Variants in PRDM16 observed in about 807,000 individuals in gnomAD.
PRDM16 encodes the protein histone-lysine N-methyltransferase PRDM16.
Under a neutral mutation model 110.6 loss-of-function variants are expected in PRDM16, and 23 were observed. The observed-to-expected ratio is 0.21, with a 90% CI of 0.15 to 0.29. The LOEUF (loss-of-function observed/expected upper bound fraction) is 0.29. Among genes scored for constraint, PRDM16 ranks in the 10% least tolerant of loss-of-function variants. PRDM16 has a pLI of 1.00. For missense variants in PRDM16, 1,615 were observed against 1,794.3 expected (o/e 0.90, Z 1.81); for synonymous variants, 799 against 781.8 (o/e 1.02, Z -0.37).
intron 3 of PRDM16, among the ~76,000 whole-genome samples, chr1:3,261,078 C>A (rs1640154565): frequency 6.9e-6 from 1 of 145,898 alleles, no homozygotes; most frequent in Non-Finnish European, 1.5e-5. Flanking sequence ...GGAGATAAGG[C>A]ATGGAACAGT....
intron 1 of PRDM16, among the ~76,000 whole-genome samples, chr1:3,182,883 C>T (rs1644227744): frequency 6.6e-6 from 1 of 152,158 alleles, no homozygotes; most frequent in Non-Finnish European, 1.5e-5. Flanking sequence ...CTCGGGGTCA[C>T]TCAGCTCCCT....
At chr1:3,391,738 A>G (rs1308340230) in intron 4 of PRDM16, among the ~76,000 whole-genome samples, 1 of 152,266 alleles carries the variant, frequency 6.6e-6, no homozygotes, top group Admixed American at 6.5e-5. Context: ...GCCAGAGGAT[A>G]GGACTGTCTA....
intron 3 of PRDM16, among the ~76,000 whole-genome samples, chr1:3,345,654 G>A (rs949299763): frequency 2.0e-5 from 3 of 152,206 alleles, no homozygotes; most frequent in Non-Finnish European, 2.9e-5. Flanking sequence ...ATGTGTCACC[G>A]GGATGCAGCA....
At chr1:3,173,422 A>C (rs1350343778) in intron 1 of PRDM16, among the ~76,000 whole-genome samples, 1 of 152,242 alleles carries the variant, frequency 6.6e-6, no homozygotes, top group Admixed American at 6.5e-5. Context: ...GGAGCATTGC[A>C]CGGATAAATA....
At chr1:3,267,785 T>C (rs986337540) in intron 3 of PRDM16, among the ~76,000 whole-genome samples, 17 of 152,182 alleles carry the variant, frequency 1.1e-4, no homozygotes, top group Admixed American at 7.8e-4. Context: ...CCCGCGCCGC[T>C]GCGGGTCCAC....
chr1:3,116,458 C>G (rs973411497), intron 1 of PRDM16, among the ~76,000 whole-genome samples: 2 of 152,138 alleles, frequency 1.3e-5, no homozygotes, highest in East Asian at 3.9e-4. Flanking sequence ...AAGATGGCAG[C>G]CCAGCCTGGA....
chr1:3,195,196 G>A (rs754031082), intron 2 of PRDM16, among the ~76,000 whole-genome samples: 50 of 152,318 alleles, frequency 3.3e-4, no homozygotes, highest in Non-Finnish European at 3.4e-4. Context: ...CATGGGCCTC[G>A]GCGTTGCTCC....
At chr1:3,426,012 A>G (rs762097110) in intron 13 of PRDM16, 39 bp from the exon 14 acceptor site, 68 of 1,588,142 alleles carry the variant, frequency 4.3e-5, no homozygotes, top group Non-Finnish European at 5.8e-5. Context: ...GGAGGGGTCC[A>G]GCGAGAGGCC....
chr1:3,411,438 G>A lies in PRDM16; in HGVS notation c.1241G>A (p.Arg414Gln). The A allele has an allele frequency of 6.2e-7, 1 of 1,614,160 alleles. No individual in the cohort carries two copies. The highest frequency in any genetic ancestry group is 8.5e-7 in the Non-Finnish European group (1 of 1,180,010). ...TQFSNLCRHK[R>Q]MHADCRTQIK... ...TTCTCCAACCTGTGCCGGCACAAGC[G>A]GATGCACGCCGACTGCCGCACGCAG... Residue 414 changes from arginine (R) to glutamine (Q), a missense_variant, in exon 9 of 17, where the codon CGG (arginine) becomes CAG (glutamine). Transcript: ENST00000270722.
intron 1 of PRDM16, among the ~76,000 whole-genome samples, chr1:3,094,144 C>T (rs955223537): frequency 9.9e-5 from 15 of 152,252 alleles, no homozygotes; most frequent in African/African-American, 3.4e-4. Flanking sequence ...AAGAGGCGGG[C>T]GGGGCACGCA....
At chr1:3,271,095 G>A (rs1031132720) in intron 3 of PRDM16, among the ~76,000 whole-genome samples, 4 of 152,228 alleles carry the variant, frequency 2.6e-5, no homozygotes, top group African/African-American at 9.6e-5. Context: ...GTGCATGCAG[G>A]GGATATGCGG....
At chr1:3,391,446 C>T (rs974188043) in intron 4 of PRDM16, among the ~76,000 whole-genome samples, 1 of 152,126 alleles carries the variant, frequency 6.6e-6, no homozygotes, top group African/African-American at 2.4e-5. Context: ...CTTTCCTGCT[C>T]GTTACAGGCT....
chr1:3,435,971 G>A lies in PRDM16; in HGVS notation c.*2160G>A, dbSNP rs1193193647. The stretch of plus-strand genomic sequence containing the variant: ...CAGCGGGGGAGCTGCCTGCAGAAGA[G>A]CCAGCTGGCGTGTCGGGAAGGATCC... On this transcript the variant is annotated 3_prime_UTR_variant, in exon 17 of 17. Transcript: ENST00000270722. 4.3e-6 allele frequency: 1 copy of A among 231,156 alleles called. No homozygotes were observed. The highest frequency in any genetic ancestry group is 2.2e-5 in the African/African-American group (1 of 45,202). The allele number at this position is 231,156 out of a possible 1,614,324, so 14.3% of individuals were successfully genotyped here.
rs372593261 is a variant in PRDM16 at position 3,431,013 on chromosome 1, C to T, written c.3426C>T (p.Thr1142=). 53 of 1,581,960 alleles carry T rather than the reference C, an allele frequency of 3.4e-5. No homozygotes were observed. The highest frequency in any genetic ancestry group is 1.7e-4 in the Middle Eastern group (1 of 5,878). Reference sequence around the variant, plus strand: ...TGGCCGGGAAGTCGCAGGATGACACCGTGTCCCCCGCACCCGAGCCCCAGG... The same window carrying T: ...TGGCCGGGAAGTCGCAGGATGACACTGTGTCCCCCGCACCCGAGCCCCAGG... The part of the protein sequence containing the change: ...DSLAGKSQDD[T]VSPAPEPQAA... Residue 1142 remains threonine, a synonymous_variant, in exon 15 of 17, where the codon ACC becomes ACT. Transcript: ENST00000270722.
Position 3,290,188 on chromosome 1 carries a change from C to G in PRDM16, c.438+46051C>G, listed in dbSNP as rs1293277178. ...CACACCCTACGACTCCAAGGCTGGC[C>G]CGGCACAGGGGCTCCCCTTGAGGTG... is the stretch of plus-strand genomic sequence containing the variant. On this transcript the variant is annotated intron_variant, in intron 3 of 16. Coordinates refer to ENST00000270722, the MANE Select transcript of PRDM16 (RefSeq NM_022114.4). This position sits in a 1 kb window ranked among gnomAD's most constrained non-coding sequence, Gnocchi z 4.8. 1.3e-5 allele frequency among the ~76,000 whole-genome samples: 2 copies of G among 152,202 alleles called. No homozygotes were observed. Among genetic ancestry groups the G allele is most frequent in the African/African-American group, 4.8e-5 (2 of 41,454 alleles).
Position 3,157,033 on chromosome 1 carries a change from G to A in PRDM16, c.38-29092G>A, listed in dbSNP as rs1471980412. ...TGAGTGTCTGGTTAGAGGCTGGGCTGGGGCTGAGCACGAGGGCCAAGAGGT... is the reference window on the plus strand; with the variant it reads ...TGAGTGTCTGGTTAGAGGCTGGGCTAGGGCTGAGCACGAGGGCCAAGAGGT... On this transcript the variant is annotated intron_variant, in intron 1 of 16. Coordinates refer to ENST00000270722, the MANE Select transcript of PRDM16 (RefSeq NM_022114.4). The surrounding 1 kb of genome is among the most constrained non-coding windows in gnomAD (Gnocchi z 4.8). Among the ~76,000 whole-genome samples the A allele has an allele frequency of 6.6e-6, 1 of 152,206 alleles. No individual in the cohort carries two copies. The highest frequency in any genetic ancestry group is 2.4e-5 in the African/African-American group (1 of 41,450).
chr1:3,111,358 C>A (rs565256019), intron 1 of PRDM16, among the ~76,000 whole-genome samples: 78 of 141,844 alleles, frequency 5.5e-4, no homozygotes, highest in Non-Finnish European at 1.1e-3. Flanking sequence ...GAGTCTCCCT[C>A]CTGAAGGTGG....
In PRDM16 at chr1:3,377,949, G is replaced by A. The variant is rs541298822; in HGVS notation, c.439-7203G>A. ...ACATCCCAGGCCTCAGGCCTGCCCC[G>A]AGAGACTCCCAGAGGGCCTTGGAGG... is the stretch of plus-strand genomic sequence containing the variant. On this transcript the variant is annotated intron_variant, in intron 3 of 16. Coordinates refer to ENST00000270722, the MANE Select transcript of PRDM16 (RefSeq NM_022114.4). Among the ~76,000 whole-genome samples, 64 of 152,294 alleles carry A rather than the reference G, an allele frequency of 4.2e-4. 1 individual carries two copies. In the South Asian group the frequency reaches 6.8e-3, roughly 16 times the overall value.
chr1:3,250,438 A>ACT (rs1357690074), intron 3 of PRDM16, among the ~76,000 whole-genome samples: 2 of 151,994 alleles, frequency 1.3e-5, no homozygotes, highest in African/African-American at 4.8e-5. Flanking sequence ...CTGGGTGACA[A>ACT]CTTTATCAAT....
Sources: gnomAD v4.1 joint callset for allele counts (sites outside exome capture counted in the v4.1 genomes callset) on GRCh38, gnomAD v4.1.1 for gene constraint, Gnocchi (gnomAD v3.1) non-coding constraint, MANE v1.5 for transcripts, NCBI Gene and HGNC (gene_info 2026-07-23, HGNC 2026-07-21) for gene names.